FADS2: variants seen among roughly 807,000 people sequenced by gnomAD.
The protein encoded by FADS2 is acyl-CoA 6-desaturase.
In FADS2, 18 loss-of-function variants were observed where a neutral mutation model predicts 61.2. The ratio of observed to expected loss-of-function variants is 0.29; its 90% confidence interval spans 0.20 to 0.44. The LOEUF (loss-of-function observed/expected upper bound fraction) is 0.44, where lower values mean the gene tolerates loss of function less well. FADS2 is among the 20% of genes least tolerant of loss of function. The pLI, the probability that FADS2 is intolerant of heterozygous loss-of-function variation, is 1.00. For missense variants in FADS2, 322 were observed against 572.7 expected (o/e 0.56, Z 4.47); for synonymous variants, 203 against 223.9 (o/e 0.91, Z 0.83).
At position 61,840,466 on chromosome 11, in the gene FADS2, G is replaced by C. The variant is rs1287396779; in HGVS notation, c.451G>C (p.Val151Leu). 6 of 1,614,078 alleles carry C rather than the reference G, an allele frequency of 3.7e-6. No homozygotes were observed. The highest frequency in any genetic ancestry group is 1.3e-5 in the African/African-American group (1 of 74,916). The change falls in exon 3 of 12, where the codon GTC (valine) becomes CTC (leucine). Residue 151 changes from valine to leucine, a missense_variant. By Grantham distance (32) the Val-to-Leu change is conservative. This residue lies in a region of FADS2 where 221 missense variants were observed against 427.9 expected (regional missense o/e 0.52). Coordinates refer to ENST00000278840, the MANE Select transcript of FADS2 (RefSeq NM_004265.4). Reference protein sequence around the residue: ...IALESIAWFTVFYFGNGWIPT... With the variant: ...IALESIAWFTLFYFGNGWIPT... ...CCTGGAGAGCATTGCATGGTTCACT[G>C]TCTTTTACTTTGGCAATGGCTGGAT... is the stretch of plus-strand genomic sequence containing the variant.
At chr11:61,864,126 TG>T (rs1010849267) in intron 10 of FADS2, 5 of 256,672 alleles carry the variant, frequency 1.9e-5, no homozygotes, top group African/African-American at 1.1e-4. Context: ...GTAGCTTGCC[TG>T]GAACATCGGC....
chr11:61,839,346 G>C (rs1009492238), intron 2 of FADS2, among the ~76,000 whole-genome samples: 4 of 149,624 alleles, frequency 2.7e-5, no homozygotes, highest in Admixed American at 2.7e-4. Context: ...TTTTTGAGAT[G>C]GAGTTTTGCT....
intron 1 of FADS2, among the ~76,000 whole-genome samples, chr11:61,820,932 T>A (rs2067032376): frequency 6.6e-6 from 1 of 152,056 alleles, no homozygotes; most frequent in South Asian, 2.1e-4. Context: ...ATTTGCTGAA[T>A]CAACTGATGA....
At chr11:61,846,422 T>TTC (rs982023766) in intron 4 of FADS2, among the ~76,000 whole-genome samples, 22 of 142,552 alleles carry the variant, frequency 1.5e-4, no homozygotes, top group Admixed American at 2.1e-4. Context: ...TTTTTTTTTT[T>TTC]TCTCTCTCTC....
chr11:61,821,545 A>C, intron 1 of FADS2: 1 of 658,960 alleles, frequency 1.5e-6, no homozygotes. Flanking sequence ...TCCTTTACAA[A>C]GTCAACACAT....
chr11:61,861,165 G>A (rs556275857), intron 7 of FADS2, among the ~76,000 whole-genome samples: 4 of 151,696 alleles, frequency 2.6e-5, no homozygotes, highest in East Asian at 1.9e-4. Context: ...CCATCCTGGC[G>A]AACACGGTGA....
chr11:61,860,873 A>G (rs1332389002), intron 7 of FADS2, among the ~76,000 whole-genome samples: 1 of 152,152 alleles, frequency 6.6e-6, no homozygotes. Context: ...ACACCACTGC[A>G]CTCAAGCCTG....
chr11:61,862,119 G>A (rs2135980208), intron 7 of FADS2: 1 of 152,560 alleles, frequency 6.6e-6, no homozygotes, highest in East Asian at 1.9e-4. Flanking sequence ...GCCCCGGGGA[G>A]GGAGTAAGCT....
chr11:61,864,172 C>A, intron 10 of FADS2: 1 of 189,394 alleles, frequency 5.3e-6, no homozygotes. Flanking sequence ...GTCCTTGCTT[C>A]ACCTCTTGTC....
At chr11:61,852,787 G>T (rs1359534004) in intron 5 of FADS2, among the ~76,000 whole-genome samples, 11 of 151,972 alleles carry the variant, frequency 7.2e-5, no homozygotes, top group Admixed American at 7.2e-4. Flanking sequence ...ACGTCTCTTC[G>T]TAATTCTAGT....
At chr11:61,846,317 G>A (rs1283250655) in intron 4 of FADS2, among the ~76,000 whole-genome samples, 2 of 151,704 alleles carry the variant, frequency 1.3e-5, no homozygotes, top group Admixed American at 6.6e-5. Context: ...GGGTTTCTCC[G>A]TGTTGGCCAG....
intron 7 of FADS2, 121 bp from the exon 8 acceptor site, chr11:61,862,851 C>T: frequency 1.3e-6 from 1 of 768,318 alleles, no homozygotes; most frequent in Non-Finnish European, 2.3e-6. Context: ...CATTGCATTT[C>T]AGTGGGCTGC....
chr11:61,824,851 C>A (rs1427820628), upstream of FADS2, among the ~76,000 whole-genome samples: 2 of 152,140 alleles, frequency 1.3e-5, no homozygotes, highest in African/African-American at 4.8e-5. Context: ...TTAGCAAATA[C>A]AGCCATATTT....
At chr11:61,858,818 C>T (rs558040786) in intron 7 of FADS2, among the ~76,000 whole-genome samples, 12 of 152,040 alleles carry the variant, frequency 7.9e-5, no homozygotes, top group African/African-American at 2.4e-4. Flanking sequence ...ACTCTTGACT[C>T]GTGATCCACC....
intron 5 of FADS2, among the ~76,000 whole-genome samples, chr11:61,852,086 T>A (rs900000393): frequency 6.6e-5 from 10 of 152,144 alleles, no homozygotes; most frequent in Non-Finnish European, 8.8e-5. Flanking sequence ...TGCTTCTTCA[T>A]ATGAGGCAGT....
At chr11:61,851,776 G>A (rs1174168278) in intron 5 of FADS2, among the ~76,000 whole-genome samples, 2 of 152,260 alleles carry the variant, frequency 1.3e-5, no homozygotes, top group Non-Finnish European at 2.9e-5. Context: ...CTCCCAGCAC[G>A]TGGAACTGTG....
chr11:61,856,905 G>A lies in FADS2; in HGVS notation c.745-106G>A, dbSNP rs1243198947. On this transcript the variant is annotated intron_variant, in intron 5 of 11. Transcript: ENST00000278840. ...AGATTGACAGGAAAGGGACAGTGGT[G>A]TGCCCTGAGCAGATAGAAGGGATGG... The A allele has an allele frequency of 4.3e-6, 4 of 920,406 alleles. No individual in the cohort carries two copies. The East Asian group carries it at 7.2e-5, about 17-fold the overall frequency. 57.0% of individuals were successfully genotyped at this position (920,406 alleles called of 1,614,324 possible). A position where few individuals can be genotyped will look rare whatever the true frequency, so the allele number is the denominator to read the frequency against.
chr11:61,835,224 GC>G (rs2067162740), intron 1 of FADS2, among the ~76,000 whole-genome samples: 1 of 152,106 alleles, frequency 6.6e-6, no homozygotes, highest in Non-Finnish European at 1.5e-5. Context: ...ACGAAGTGTT[GC>G]TTTGTCAGTC....
chr11:61,820,793 G>GT (rs2067031258), intron 1 of FADS2, among the ~76,000 whole-genome samples: 1 of 152,114 alleles, frequency 6.6e-6, no homozygotes, highest in Non-Finnish European at 1.5e-5. Context: ...CAGCTACTTT[G>GT]TGGGGGTGAG....
Sources: allele counts gnomAD v4.1 joint callset (sites outside exome capture counted in the v4.1 genomes callset), GRCh38; gene constraint gnomAD v4.1.1; regional missense constraint gnomAD v4.1.1; transcripts MANE v1.5; gene names NCBI Gene and HGNC (gene_info 2026-07-23, HGNC 2026-07-21).